Variants in RBFOX1 observed in about 807,000 individuals in gnomAD.
RBFOX1 encodes the protein RNA binding protein fox-1 homolog 1.
Under a neutral mutation model 57.7 loss-of-function variants are expected in RBFOX1, and 8 were observed. The observed-to-expected ratio is 0.14, with a 90% CI of 0.08 to 0.25. The LOEUF (loss-of-function observed/expected upper bound fraction) is 0.25. Among genes scored for constraint, RBFOX1 ranks in the 10% least tolerant of loss-of-function variants. RBFOX1 has a pLI of 1.00. For synonymous variants in RBFOX1, 326 were observed against 222.4 expected, an observed-to-expected ratio of 1.47 and a Z score of -4.15; for missense variants, 611 against 548.5, an observed-to-expected ratio of 1.11 and a Z score of -1.14.
intron 2 of RBFOX1, among the ~76,000 whole-genome samples, chr16:6,602,210 C>T (rs976661045): frequency 1.3e-5 from 2 of 152,082 alleles, no homozygotes; most frequent in African/African-American, 4.8e-5. Context: ...TTTATACATT[C>T]TCGGTATTCA....
intron 1 of RBFOX1, among the ~76,000 whole-genome samples, chr16:6,220,013 C>T (rs1021720999): frequency 6.6e-6 from 1 of 152,128 alleles, no homozygotes; most frequent in Non-Finnish European, 1.5e-5. Flanking sequence ...CCATCATCTA[C>T]TATTTATCTT....
At chr16:6,009,577 C>G (rs191586183) in intron 4 of RBFOX1, among the ~76,000 whole-genome samples, 3 of 152,034 alleles carry the variant, frequency 2.0e-5, no homozygotes, top group African/African-American at 7.2e-5. Context: ...CAGAGACAGC[C>G]CTGCTAACAA....
intron 3 of RBFOX1, among the ~76,000 whole-genome samples, chr16:5,757,488 C>A (rs1272638654): frequency 6.6e-6 from 1 of 152,046 alleles, no homozygotes; most frequent in Admixed American, 6.6e-5. Flanking sequence ...CCTCAGCCTC[C>A]AAAAGTGCTG....
intron 3 of RBFOX1, among the ~76,000 whole-genome samples, chr16:5,863,178 A>C (rs964030079): frequency 5.3e-5 from 8 of 152,242 alleles, no homozygotes; most frequent in African/African-American, 1.9e-4. Flanking sequence ...ACAAGTGAGA[A>C]GGAAACCCTT....
At chr16:5,911,646 A>G (rs1317265322) in intron 4 of RBFOX1, among the ~76,000 whole-genome samples, 1 of 152,168 alleles carries the variant, frequency 6.6e-6, no homozygotes, top group East Asian at 1.9e-4. Flanking sequence ...TACCATGAAC[A>G]GGGCCACTTC....
chr16:6,960,284 CTT>C (rs1477007937), intron 3 of RBFOX1, among the ~76,000 whole-genome samples: 129 of 152,252 alleles, frequency 8.5e-4, no homozygotes, highest in African/African-American at 3.1e-3. Flanking sequence ...GGCCTCAGAT[CTT>C]ATAGATGAGA....
intron 3 of RBFOX1, among the ~76,000 whole-genome samples, chr16:6,996,348 G>A (rs1234132034): frequency 1.3e-5 from 2 of 151,980 alleles, no homozygotes; most frequent in Non-Finnish European, 2.9e-5. Flanking sequence ...CTCTTTTTCT[G>A]TTCTGTGGTT....
intron 4 of RBFOX1, among the ~76,000 whole-genome samples, chr16:7,277,469 A>G (rs1182778378): frequency 6.6e-6 from 1 of 152,344 alleles, no homozygotes; most frequent in Non-Finnish European, 1.5e-5. Context: ...CAAAGCGAAT[A>G]GGACACCATT....
intron 3 of RBFOX1, among the ~76,000 whole-genome samples, chr16:7,009,348 G>A (rs756438713): frequency 5.0e-4 from 74 of 148,244 alleles, no homozygotes; most frequent in Admixed American, 1.4e-3. Context: ...AAGACCCTGC[G>A]CCAAGCAGTC....
At chr16:7,026,062 T>A (rs1009010261) in intron 3 of RBFOX1, among the ~76,000 whole-genome samples, 1 of 152,188 alleles carries the variant, frequency 6.6e-6, no homozygotes, top group African/African-American at 2.4e-5. Context: ...CTAGCGCAGC[T>A]GCTGTGTCCA....
At chr16:7,700,384 G>A (rs1229614344) in intron 14 of RBFOX1, among the ~76,000 whole-genome samples, 1 of 152,114 alleles carries the variant, frequency 6.6e-6, no homozygotes, top group Non-Finnish European at 1.5e-5. Context: ...TCAAAGAGAA[G>A]AACTTTGAGA....
At chr16:5,709,626 C>T (rs1258582360) in intron 3 of RBFOX1, among the ~76,000 whole-genome samples, 1 of 150,812 alleles carries the variant, frequency 6.6e-6, no homozygotes, top group Non-Finnish European at 1.5e-5. Context: ...CTAGGTGTGT[C>T]AGGCACTTGT....
chr16:6,512,648 G>C (rs954044453), intron 2 of RBFOX1, among the ~76,000 whole-genome samples: 3 of 152,156 alleles, frequency 2.0e-5, no homozygotes, highest in African/African-American at 7.2e-5. Flanking sequence ...AAGAAAATGG[G>C]AATATCTGTG....
At chr16:5,814,112 T>C (rs2055533835) in intron 3 of RBFOX1, among the ~76,000 whole-genome samples, 1 of 152,152 alleles carries the variant, frequency 6.6e-6, no homozygotes, top group Non-Finnish European at 1.5e-5. Context: ...TAATTACTCT[T>C]ACAAGATGGT....
intron 4 of RBFOX1, among the ~76,000 whole-genome samples, chr16:7,101,417 G>A (rs2062675575): frequency 6.6e-6 from 1 of 152,270 alleles, no homozygotes; most frequent in East Asian, 1.9e-4. Flanking sequence ...CCAGAGTCTT[G>A]GTAATAGTGG....
intron 1 of RBFOX1, among the ~76,000 whole-genome samples, chr16:5,241,795 T>C (rs896127438): frequency 6.6e-6 from 1 of 152,140 alleles, no homozygotes; most frequent in Non-Finnish European, 1.5e-5. Context: ...TGTTCTGGGG[T>C]GCATCACAAG....
chr16:6,999,424 T>C (rs1190324174), intron 3 of RBFOX1, among the ~76,000 whole-genome samples: 1 of 151,440 alleles, frequency 6.6e-6, no homozygotes, highest in Non-Finnish European at 1.5e-5. Context: ...AAACTCATTC[T>C]GATTTTTTTT....
At chr16:5,559,165 CA>C (rs35531242) in intron 2 of RBFOX1, among the ~76,000 whole-genome samples, 1,449 of 65,370 alleles carry the variant, frequency 0.022, 13 homozygotes, top group African/African-American at 0.068. Context: ...CCCCCCCAGG[CA>C]AAAAAAAAAA....
chr16:7,525,134 A>G (rs1012707976), intron 5 of RBFOX1, among the ~76,000 whole-genome samples: 3 of 152,048 alleles, frequency 2.0e-5, no homozygotes, highest in Non-Finnish European at 4.4e-5. Context: ...ATCTCCCTCT[A>G]TCTCTATCAT....
Sources: allele counts gnomAD v4.1 joint callset (sites outside exome capture counted in the v4.1 genomes callset), GRCh38; gene constraint gnomAD v4.1.1; transcripts MANE v1.5; gene names NCBI Gene and HGNC (gene_info 2026-07-23, HGNC 2026-07-21).